MPP2: variants seen among roughly 807,000 people sequenced by gnomAD.
MPP2 encodes the protein MAGUK p55 scaffold protein 2, also known as MAGUK p55 subfamily member 2.
In MPP2, 42 loss-of-function variants were observed where a neutral mutation model predicts 58.5. That is an observed-to-expected ratio of 0.72 (90% CI 0.56 to 0.93). The LOEUF is 0.93. Ranked by LOEUF, MPP2 falls within the 40% of genes least tolerant of loss-of-function variation. MPP2 has a pLI of 0.00. For synonymous variants in MPP2, 300 were observed against 307.8 expected (o/e 0.97, Z 0.26); for missense variants, 632 against 760.4 (o/e 0.83, Z 1.99).
At chr17:43,904,750 A>G (rs934268047) in intron 1 of MPP2, among the ~76,000 whole-genome samples, 171 of 152,340 alleles carry the variant, frequency 1.1e-3, no homozygotes, top group African/African-American at 3.9e-3. Context: ...TCACAAAGCT[A>G]ATAAGGAGAG....
At chr17:43,904,154 G>A (rs1218105100) in intron 2 of MPP2, among the ~76,000 whole-genome samples, 2 of 152,146 alleles carry the variant, frequency 1.3e-5, no homozygotes, top group African/African-American at 4.8e-5. Context: ...GTCACCTCTG[G>A]AGCATGCATC....
chr17:43,892,980 TTTGATGGATGGA>T (rs1391693898), intron 3 of MPP2, among the ~76,000 whole-genome samples: 8 of 141,468 alleles, frequency 5.7e-5, no homozygotes, highest in African/African-American at 2.2e-4. Flanking sequence ...AAAATAGGTA[TTTGATGGATGGA>T]TGGATGGATG....
At chr17:43,897,873 C>T (rs143370569) in intron 3 of MPP2, among the ~76,000 whole-genome samples, 8 of 152,254 alleles carry the variant, frequency 5.3e-5, no homozygotes, top group African/African-American at 1.9e-4. Flanking sequence ...CTATAATTTT[C>T]TCTTTTAGTC....
Position 43,880,705 on chromosome 17 carries a change from C to T in MPP2, c.1136G>A (p.Gly379Asp), listed in dbSNP as rs1382969493. The change falls in exon 10 of 13, where the codon GGC becomes GAC. Residue 379 changes from glycine to aspartate, a missense_variant. Coordinates refer to ENST00000269095, the MANE Select transcript of MPP2 (RefSeq NM_005374.5). The surrounding 1 kb of genome is among the most constrained non-coding windows in gnomAD (Gnocchi z 5.2). ...KLIMWDPDRY[G>D]TTVPYTSRRP... ...CTCCCACTCACAGGGCACCGTGGTG[C>T]CATAGCGATCTGGATCCCACATGAT... 1 of 1,611,466 alleles carries T rather than the reference C, an allele frequency of 6.2e-7. No individual in the cohort carries two copies. The highest frequency in any genetic ancestry group is 8.5e-7 in the Non-Finnish European group (1 of 1,178,348).
At chr17:43,907,815 C>T, upstream of MPP2, 1 of 985,446 alleles carries the variant, frequency 1.0e-6, no homozygotes, top group Non-Finnish European at 1.2e-6. Context: ...CTTAAAGGGG[C>T]GATGGTAAAA....
In MPP2 at chr17:43,882,395, C is replaced by T; in HGVS notation, c.570G>A (p.Gly190=). ...HVGDIIKEVN[G]QPVGSDPRAL... Reference sequence around the variant, plus strand: ...CGCGGGGGTCACTGCCCACTGGCTGCCCGTTCACCTCCTTGATGATGTCAC... The same window carrying T: ...CGCGGGGGTCACTGCCCACTGGCTGTCCGTTCACCTCCTTGATGATGTCAC... The change falls in exon 6 of 13, where the codon GGG becomes GGA. Residue 190 remains glycine (G), a synonymous_variant. Coordinates refer to ENST00000269095, the MANE Select transcript of MPP2 (RefSeq NM_005374.5). 6.2e-7 allele frequency: 1 copy of T among 1,611,828 alleles called. No individual in the cohort carries two copies. The highest frequency in any genetic ancestry group is 8.5e-7 in the Non-Finnish European group (1 of 1,179,994).
At chr17:43,898,414 T>C in intron 2 of MPP2, 34 bp from the exon 3 acceptor site, 1 of 1,517,090 alleles carries the variant, frequency 6.6e-7, no homozygotes, top group Non-Finnish European at 9.1e-7. Context: ...GATACACAGG[T>C]ACCAGCTGGG....
chr17:43,888,658 T>C (rs2047469797), intron 3 of MPP2, among the ~76,000 whole-genome samples: 1 of 152,170 alleles, frequency 6.6e-6, no homozygotes, highest in Admixed American at 6.5e-5. Flanking sequence ...TTTAGCACTA[T>C]CTGGTCCACG....
chr17:43,890,163 G>A (rs1334593977), intron 3 of MPP2, among the ~76,000 whole-genome samples: 1 of 152,006 alleles, frequency 6.6e-6, no homozygotes, highest in African/African-American at 2.4e-5. Context: ...ATCCATCCCT[G>A]GGGTCTGATT....
In MPP2 at chr17:43,876,418, T is replaced by A. The variant is rs1392389869; in HGVS notation, c.*1389A>T. The A allele has an allele frequency of 6.6e-6, 1 of 151,766 alleles. No individual in the cohort carries two copies. Among genetic ancestry groups the A allele is most frequent in the Non-Finnish European group, 1.5e-5 (1 of 67,932 alleles). The allele number at this position is 151,766 out of a possible 1,614,324, so 9.4% of individuals were successfully genotyped here. A position where few individuals can be genotyped will look rare whatever the true frequency, so the allele number is the denominator to read the frequency against. ...GGACAGCATTCTTTCTTAAAGGGAG[T>A]CTCCTATTTTACAAAACTGCCCTCC... is the stretch of plus-strand genomic sequence containing the variant. On this transcript the variant is annotated 3_prime_UTR_variant, in exon 13 of 13. Coordinates refer to ENST00000269095, the MANE Select transcript of MPP2 (RefSeq NM_005374.5).
chr17:43,902,492 A>T (rs1348200062), intron 2 of MPP2, among the ~76,000 whole-genome samples: 1 of 152,216 alleles, frequency 6.6e-6, no homozygotes, highest in East Asian at 1.9e-4. Flanking sequence ...AGAGGCAGGG[A>T]GACCCCAGGG....
chr17:43,879,529 G>T lies in MPP2; in HGVS notation c.1354-126C>A, dbSNP rs1025185523. 547 of 1,244,106 alleles carry T rather than the reference G, an allele frequency of 4.4e-4. 2 individuals are homozygous for T. The highest frequency in any genetic ancestry group is 4.7e-4 in the Non-Finnish European group (409 of 875,702). 77.1% of individuals were successfully genotyped at this position (1,244,106 alleles called of 1,614,324 possible). On this transcript the variant is annotated intron_variant, in intron 11 of 12. Transcript: ENST00000269095. This position sits in a 1 kb window ranked among gnomAD's most constrained non-coding sequence, Gnocchi z 4.1. ...AGTGGATGAGAAAAGGGTGCCCGGG[G>T]GTCTGGGACATGAGTCCTGGGACAA...
At chr17:43,906,071 C>G in intron 1 of MPP2, 2 of 984,746 alleles carry the variant, frequency 2.0e-6, no homozygotes, top group Non-Finnish European at 2.4e-6. Flanking sequence ...CCTCCCAGGC[C>G]TTGATGACCT....
intron 2 of MPP2, chr17:43,900,386 CCCT>C: frequency 6.7e-7 from 1 of 1,487,482 alleles, no homozygotes; most frequent in Non-Finnish European, 9.1e-7. Flanking sequence ...TCCCAGGCCA[CCCT>C]CCCCAGATGC....
At chr17:43,878,050 C>A in intron 12 of MPP2, 67 bp from the exon 13 acceptor site, 1 of 1,507,742 alleles carries the variant, frequency 6.6e-7, no homozygotes, top group East Asian at 2.3e-5. Flanking sequence ...TCAGAAGGAG[C>A]TACAGCTGCC....
At chr17:43,907,147 G>A in intron 1 of MPP2, 2 of 983,630 alleles carry the variant, frequency 2.0e-6, no homozygotes, top group Non-Finnish European at 2.4e-6. Flanking sequence ...GGGCTTCTAA[G>A]TACCCCCAAC....
At position 43,882,807 on chromosome 17, in the gene MPP2, T is replaced by C. The variant is rs2143572382; in HGVS notation, c.453+96A>G. 6 of 1,558,512 alleles carry C rather than the reference T, an allele frequency of 3.8e-6. No individual in the cohort carries two copies. The East Asian group carries it at 1.1e-4, about 29-fold the overall frequency. On this transcript the variant is annotated intron_variant, in intron 5 of 12. Transcript: ENST00000269095. ...CTGCACAAAGCTGGCCCCATCTTCATCTTCAGACCACACTTGGCCTTTTTT... is the reference window on the plus strand; with the variant it reads ...CTGCACAAAGCTGGCCCCATCTTCACCTTCAGACCACACTTGGCCTTTTTT...
Position 43,880,938 on chromosome 17 carries a change from TGGAACAGG to T in MPP2, c.989-94_989-87del. On this transcript the variant is annotated intron_variant, in intron 9 of 12. Coordinates refer to ENST00000269095, the MANE Select transcript of MPP2 (RefSeq NM_005374.5). This position sits in a 1 kb window ranked among gnomAD's most constrained non-coding sequence, Gnocchi z 5.2. The stretch of plus-strand genomic sequence containing the variant: ...CAGGGAGGCTGAGGGCAAGAGGGCT[TGGAACAGG>T]GGAGCAGGGGGGAGTCGGGCAGGGC... The T allele has an allele frequency of 6.5e-7, 1 of 1,545,748 alleles. No homozygotes were observed. Among genetic ancestry groups the T allele is most frequent in the African/African-American group, 1.4e-5 (1 of 73,332 alleles).
chr17:43,907,219 G>A, intron 1 of MPP2: 1 of 985,500 alleles, frequency 1.0e-6, no homozygotes, highest in Non-Finnish European at 1.2e-6. Context: ...CCACCTTGGT[G>A]CCTGAAGCCA....
Sources: allele counts gnomAD v4.1 joint callset (sites outside exome capture counted in the v4.1 genomes callset), GRCh38; gene constraint gnomAD v4.1.1; non-coding constraint Gnocchi (gnomAD v3.1); transcripts MANE v1.5; gene names NCBI Gene and HGNC (gene_info 2026-07-23, HGNC 2026-07-21).